IVD: variants seen among roughly 807,000 people sequenced by gnomAD.
The protein encoded by IVD is isovaleryl-CoA dehydrogenase, also known as isovaleryl-CoA dehydrogenase, mitochondrial.
A neutral mutation model predicts 51.3 loss-of-function variants in IVD; 31 were observed. That is an observed-to-expected ratio of 0.60 (90% CI 0.45 to 0.81). The LOEUF (loss-of-function observed/expected upper bound fraction) is 0.81. Among genes scored for constraint, IVD ranks in the 40% least tolerant of loss-of-function variants. The pLI is 0.00. For missense variants in IVD, 475 were observed against 552.0 expected (o/e 0.86, Z 1.40); for synonymous variants, 205 against 219.4 (o/e 0.93, Z 0.58).
downstream of IVD, among the ~76,000 whole-genome samples, chr15:40,426,996 G>A (rs554594816): frequency 7.9e-5 from 12 of 152,282 alleles, no homozygotes; most frequent in South Asian, 1.7e-3. Flanking sequence ...CCAGGCAGCC[G>A]GATGCTCCAG....
exon 9 of IVD, chr15:40,435,460 G>A (rs1566954282): frequency 1.6e-6 from 2 of 1,242,060 alleles, no homozygotes; most frequent in East Asian, 6.6e-5. Flanking sequence ...GGGAGGGCGA[G>A]ACCCGAGGTC....
rs768709744 is a variant in IVD, at chr15:40,411,240, G to T, written c.457-20G>T. 16 of 1,613,040 alleles carry T rather than the reference G, an allele frequency of 9.9e-6. No homozygotes were observed. In the African/African-American group the frequency reaches 1.5e-4, roughly 15 times the overall value. ...GTACTCTGAGGTTGTAACAAGGCCT[G>T]TTGGGGGTTTTCCTTGCAGCTGATC... On this transcript the variant is annotated intron_variant, in intron 4 of 11. Transcript: ENST00000487418.
chr15:40,425,325 G>C (rs1290849346), downstream of IVD, among the ~76,000 whole-genome samples: 2 of 151,948 alleles, frequency 1.3e-5, no homozygotes, highest in Admixed American at 1.3e-4. Context: ...CCACCATCCT[G>C]AATTTGGTGA....
chr15:40,417,225 A>C (rs1284232231), intron 11 of IVD, among the ~76,000 whole-genome samples: 2 of 138,474 alleles, frequency 1.4e-5, no homozygotes, highest in South Asian at 4.7e-4. Context: ...AAAAAAAAAA[A>C]GGCCGGGCAC....
Position 40,407,538 on chromosome 15 carries a change from T to A in IVD, c.145-98T>A, listed in dbSNP as rs530875647. 4.1e-5 allele frequency: 36 copies of A among 867,788 alleles called. No individual in the cohort carries two copies. The African/African-American group carries it at 4.8e-4, about 11-fold the overall frequency. The allele number at this position is 867,788 out of a possible 1,614,324, so 53.8% of individuals were successfully genotyped here. A position where few individuals can be genotyped will look rare whatever the true frequency, so the allele number is the denominator to read the frequency against. On this transcript the variant is annotated intron_variant, in intron 1 of 11. Transcript: ENST00000487418. ...CTGAGGCCTCTCAGTTTCAGTCTGATGCTGTTTGGGGAAGTTACTTGTGGC... is the reference window on the plus strand; with the variant it reads ...CTGAGGCCTCTCAGTTTCAGTCTGAAGCTGTTTGGGGAAGTTACTTGTGGC...
In IVD at chr15:40,433,310, C is replaced by T. The variant is rs1341584573; in HGVS notation, c.720-544C>T. Among the ~76,000 whole-genome samples the T allele has an allele frequency of 2.0e-5, 3 of 152,280 alleles. No individual in the cohort carries two copies. The East Asian group carries it at 5.8e-4, about 29-fold the overall frequency. On this transcript the variant is annotated intron_variant, in intron 7 of 8. Coordinates refer to the IVD transcript ENST00000473112. ...GTAAATTTGAGAGTACATTTACCTACCAGAGTTCTTGAGGGTTAAATAAAG... is the reference window on the plus strand; with the variant it reads ...GTAAATTTGAGAGTACATTTACCTATCAGAGTTCTTGAGGGTTAAATAAAG...
intron 3 of IVD, among the ~76,000 whole-genome samples, chr15:40,410,238 G>A (rs1241168242): frequency 1.3e-5 from 2 of 152,164 alleles, no homozygotes; most frequent in African/African-American, 4.8e-5. Context: ...TGTTCTTGGT[G>A]CTTTGGACAC....
intron 1 of IVD, 62 bp downstream of exon 1, chr15:40,406,033 C>T (rs1890371057): frequency 3.2e-6 from 5 of 1,551,108 alleles, no homozygotes; most frequent in Non-Finnish European, 4.4e-6. Flanking sequence ...CCCAAGGCCT[C>T]CTTCCTGCCT....
At chr15:40,406,976 G>A (rs1164406877) in intron 1 of IVD, among the ~76,000 whole-genome samples, 1 of 150,972 alleles carries the variant, frequency 6.6e-6, no homozygotes, top group East Asian at 1.9e-4. Context: ...TGATTCTCCT[G>A]CCTCAGCCTC....
chr15:40,429,334 G>T (rs2098227665), downstream of IVD, among the ~76,000 whole-genome samples: 1 of 152,216 alleles, frequency 6.6e-6, no homozygotes, highest in Admixed American at 6.5e-5. Flanking sequence ...CATTTGCTGA[G>T]GGACTGTTAT....
Position 40,418,429 on chromosome 15 carries a change from T to G in IVD, c.*166T>G, listed in dbSNP as rs1371046324. ...AGTTCTCCACAACAGCTCCCAAGCATCATGGGCCTCGCAGCCGGGCCTGTG... is the reference window on the plus strand; with the variant it reads ...AGTTCTCCACAACAGCTCCCAAGCAGCATGGGCCTCGCAGCCGGGCCTGTG... On this transcript the variant is annotated 3_prime_UTR_variant, in exon 12 of 12. Transcript: ENST00000487418. The G allele has an allele frequency of 6.5e-7, 1 of 1,527,840 alleles. No individual in the cohort carries two copies. The highest frequency in any genetic ancestry group is 8.8e-7 in the Non-Finnish European group (1 of 1,142,190). The allele number at this position is 1,527,840 out of a possible 1,614,324, so 94.6% of individuals were successfully genotyped here. A position where few individuals can be genotyped will look rare whatever the true frequency, so the allele number is the denominator to read the frequency against.
Position 40,405,801 on chromosome 15 carries a change from A to C in IVD, c.-27A>C. The C allele has an allele frequency of 1.2e-6, 2 of 1,606,698 alleles. No individual in the cohort carries two copies. Among genetic ancestry groups the C allele is most frequent in the Middle Eastern group, 1.7e-4 (1 of 5,818 alleles). ...TGGAGCTAAGAGCTGGCTCAGTTTC[A>C]GCGCTGGCTCTTCGTGCATGGCAGA... is the stretch of plus-strand genomic sequence containing the variant. On this transcript the variant is annotated 5_prime_UTR_variant, in exon 1 of 12. Transcript: ENST00000487418.
At chr15:40,410,058 G>A (rs1366119660) in intron 3 of IVD, among the ~76,000 whole-genome samples, 7 of 151,972 alleles carry the variant, frequency 4.6e-5, no homozygotes, top group Admixed American at 1.3e-4. Context: ...GGATGGTCTT[G>A]ATCTCCTGAC....
At position 40,418,298 on chromosome 15, in the gene IVD, G is replaced by A. The variant is rs886745848; in HGVS notation, c.*35G>A. 1.9e-6 allele frequency: 3 copies of A among 1,612,864 alleles called. No individual in the cohort carries two copies. Among genetic ancestry groups the A allele is most frequent in the African/African-American group, 1.3e-5 (1 of 75,014 alleles). On this transcript the variant is annotated 3_prime_UTR_variant, in exon 12 of 12. Transcript: ENST00000487418. ...CCTTCGCCCCCTTTTCCTGCACCTAGTGGCCTTTCTTGGGAAGTAGAGATG... is the reference window on the plus strand; with the variant it reads ...CCTTCGCCCCCTTTTCCTGCACCTAATGGCCTTTCTTGGGAAGTAGAGATG...
rs1891477692 is a variant in IVD at position 40,414,918 on chromosome 15, G to T, written c.814G>T (p.Gly272Cys). ...AANILGHENK[G>C]VYVLMSGLDL... ...CAACATCCTGGGCCATGAGAATAAGGGTGTCTACGTGCTGATGAGTGGGCT... is the reference window on the plus strand; with the variant it reads ...CAACATCCTGGGCCATGAGAATAAGTGTGTCTACGTGCTGATGAGTGGGCT... Residue 272 changes from glycine (G) to cysteine (C), a missense_variant, in exon 8 of 12, where the codon GGT (glycine) becomes TGT (cysteine). Coordinates refer to ENST00000487418, the MANE Select transcript of IVD (RefSeq NM_002225.5). 1 of 1,613,996 alleles carries T rather than the reference G, an allele frequency of 6.2e-7. No homozygotes were observed. The highest frequency in any genetic ancestry group is 1.3e-5 in the African/African-American group (1 of 74,906).
chr15:40,427,340 C>G (rs546315527), downstream of IVD, among the ~76,000 whole-genome samples: 1 of 152,262 alleles, frequency 6.6e-6, no homozygotes, highest in Non-Finnish European at 1.5e-5. Context: ...TCTGCACACA[C>G]TTTCAGAGAG....
At chr15:40,423,393 T>C (rs1892477422), downstream of IVD, among the ~76,000 whole-genome samples, 1 of 152,262 alleles carries the variant, frequency 6.6e-6, no homozygotes, top group Admixed American at 6.5e-5. Flanking sequence ...CTTCTTTTGA[T>C]AATTCACTTC....
Position 40,418,233 on chromosome 15 carries a change from C to T in IVD, c.1242C>T (p.Ile414=), listed in dbSNP as rs756694379. ...AGTSEVRRLV[I]GRAFNADFH ...CCAGCGAGGTGAGGCGGCTGGTCAT[C>T]GGCAGAGCCTTCAATGCAGACTTTC... Residue 414 remains isoleucine (I), a synonymous_variant, in exon 12 of 12, where the codon ATC becomes ATT. Coordinates refer to ENST00000487418, the MANE Select transcript of IVD (RefSeq NM_002225.5). 7.4e-6 allele frequency: 12 copies of T among 1,614,198 alleles called. No individual in the cohort carries two copies. Among genetic ancestry groups the T allele is most frequent in the Non-Finnish European group, 1.0e-5 (12 of 1,180,028 alleles).
chr15:40,426,276 A>G (rs1227283437), downstream of IVD, among the ~76,000 whole-genome samples: 27 of 151,986 alleles, frequency 1.8e-4, 4 homozygotes, highest in African/African-American at 6.5e-4. Flanking sequence ...GGTGGCTTAT[A>G]CCTGTAATCC....
Sources: gnomAD v4.1 joint callset for allele counts (sites outside exome capture counted in the v4.1 genomes callset) on GRCh38, gnomAD v4.1.1 for gene constraint, MANE v1.5 for transcripts, NCBI Gene and HGNC (gene_info 2026-07-23, HGNC 2026-07-21) for gene names.